The following AVEN variants were observed in gnomAD, a reference collection of about 807,000 sequenced individuals.
AVEN encodes the protein apoptosis and caspase activation inhibitor.
A neutral mutation model predicts 38.1 loss-of-function variants in AVEN; 41 were observed. The observed-to-expected ratio is 1.08, with a 90% CI of 0.84 to 1.40. The LOEUF (loss-of-function observed/expected upper bound fraction) is 1.40. AVEN is among the 40% of genes most tolerant of loss of function. The pLI, the probability that AVEN is intolerant of heterozygous loss-of-function variation, is 0.00. For missense variants in AVEN, 605 were observed against 438.8 expected, an observed-to-expected ratio of 1.38 and a Z score of -3.38; for synonymous variants, 206 against 171.8, an observed-to-expected ratio of 1.20 and a Z score of -1.56.
chr15:33,952,405 T>C (rs1894785521), intron 2 of AVEN, among the ~76,000 whole-genome samples: 1 of 152,212 alleles, frequency 6.6e-6, no homozygotes, highest in Non-Finnish European at 1.5e-5. Flanking sequence ...TTATCCATAA[T>C]TGGGACACCT....
At chr15:33,895,266 T>G (rs1396763401) in intron 2 of AVEN, among the ~76,000 whole-genome samples, 1 of 110,004 alleles carries the variant, frequency 9.1e-6, no homozygotes, top group Non-Finnish European at 2.1e-5. Context: ...ATGGTTTATA[T>G]TTTCTACTTC....
rs11284986 is a variant in AVEN, at chr15:33,937,130, C to CAA, written c.446-61137_446-61136dup. Among the ~76,000 whole-genome samples, 252 of 106,266 alleles carry CAA rather than the reference C, an allele frequency of 2.4e-3. 1 individual carries two copies. Among genetic ancestry groups the CAA allele is most frequent in the African/African-American group, 9.3e-3 (246 of 26,586 alleles). 69.7% of individuals were successfully genotyped at this position (106,266 alleles called of 152,430 possible). On this transcript the variant is annotated intron_variant, in intron 2 of 5. Transcript: ENST00000306730. ...TGGGCGACAGAGCGAGACTTCAACT[C>CAA]AAAAAAAAAAAAAAAAAAAGACCAA...
intron 1 of AVEN, among the ~76,000 whole-genome samples, chr15:34,011,797 G>A (rs997807711): frequency 6.6e-6 from 1 of 152,318 alleles, no homozygotes. Context: ...GGCACAGGAA[G>A]GTAATTTGCA....
At chr15:34,018,958 CAG>C (rs1898085183) in intron 1 of AVEN, among the ~76,000 whole-genome samples, 1 of 152,032 alleles carries the variant, frequency 6.6e-6, no homozygotes, top group Non-Finnish European at 1.5e-5. Flanking sequence ...CAGCTAGACA[CAG>C]AGTGCTGATT....
intron 5 of AVEN, among the ~76,000 whole-genome samples, chr15:34,061,032 A>AT (rs555025780): frequency 1.9e-4 from 28 of 148,230 alleles, no homozygotes; most frequent in Middle Eastern, 7.0e-3. Flanking sequence ...AAAAAAAAAG[A>AT]TTTTTTTTTT....
chr15:33,884,162 C>A (rs1408555153), intron 2 of AVEN, among the ~76,000 whole-genome samples: 2 of 152,156 alleles, frequency 1.3e-5, no homozygotes, highest in Admixed American at 6.6e-5. Flanking sequence ...AGAGCATTTA[C>A]AATAATAAAT....
intron 2 of AVEN, among the ~76,000 whole-genome samples, chr15:33,878,139 G>C (rs942079449): frequency 2.0e-5 from 3 of 152,098 alleles, no homozygotes; most frequent in Non-Finnish European, 4.4e-5. Context: ...ACCTAATGAA[G>C]TCTATAAATT....
At chr15:33,915,512 C>T (rs1307374946) in intron 2 of AVEN, among the ~76,000 whole-genome samples, 1 of 152,122 alleles carries the variant, frequency 6.6e-6, no homozygotes, top group African/African-American at 2.4e-5. Flanking sequence ...CGGGAAGAGC[C>T]CTGTGGGCTC....
intron 2 of AVEN, among the ~76,000 whole-genome samples, chr15:33,963,021 C>T (rs1895257109): frequency 6.7e-6 from 1 of 149,276 alleles, no homozygotes; most frequent in African/African-American, 2.5e-5. Flanking sequence ...GCCTTCCTAA[C>T]ATGGGATAAC....
At chr15:33,978,285 A>C (rs1895976881) in intron 2 of AVEN, among the ~76,000 whole-genome samples, 1 of 152,168 alleles carries the variant, frequency 6.6e-6, no homozygotes, top group African/African-American at 2.4e-5. Flanking sequence ...CAGCAAACCC[A>C]CTGTAGACAC....
intron 5 of AVEN, among the ~76,000 whole-genome samples, chr15:34,051,282 A>G (rs115585531): frequency 0.02 from 2,481 of 123,522 alleles, 85 homozygotes; most frequent in African/African-American, 0.07. Flanking sequence ...GAAATCAAGA[A>G]GTTCTTTGAA....
chr15:33,995,444 T>G (rs1042727742), intron 2 of AVEN, among the ~76,000 whole-genome samples: 1 of 152,218 alleles, frequency 6.6e-6, no homozygotes, highest in Non-Finnish European at 1.5e-5. Context: ...ATAGGTTATA[T>G]GCAAATATTT....
intron 2 of AVEN, among the ~76,000 whole-genome samples, chr15:33,926,853 C>T (rs2153049424): frequency 6.6e-6 from 1 of 152,238 alleles, no homozygotes; most frequent in South Asian, 2.1e-4. Context: ...GAGGGTTTTG[C>T]CATGTTGGCA....
intron 2 of AVEN, among the ~76,000 whole-genome samples, chr15:33,943,436 G>T (rs1567426410): frequency 6.6e-6 from 1 of 151,958 alleles, no homozygotes; most frequent in Non-Finnish European, 1.5e-5. Flanking sequence ...TACAATGAAG[G>T]CTGTCAGGGG....
intron 2 of AVEN, among the ~76,000 whole-genome samples, chr15:33,919,434 AT>A (rs1893299572): frequency 6.6e-6 from 1 of 152,234 alleles, no homozygotes; most frequent in Non-Finnish European, 1.5e-5. Context: ...TTTGGTGTAT[AT>A]CAGAATCATC....
downstream of AVEN, chr15:33,864,939 G>GTGTC (rs1889959089): frequency 9.6e-6 from 5 of 522,184 alleles, no homozygotes; most frequent in Non-Finnish European, 1.4e-5. Flanking sequence ...CTGCCAGCAT[G>GTGTC]TGTCAGAGAG....
At chr15:33,894,702 C>G (rs1294336744) in intron 2 of AVEN, among the ~76,000 whole-genome samples, 1 of 3,090 alleles carries the variant, frequency 3.2e-4, no homozygotes, top group Non-Finnish European at 1.0e-3. Context: ...CCCAGCTACT[C>G]AGCAGGCTGA....
At chr15:33,853,070 A>C in the AVEN span, 1 of 1,601,958 alleles carries the variant, frequency 6.2e-7, no homozygotes, top group Non-Finnish European at 8.5e-7. Flanking sequence ...CTACTGGGAC[A>C]AGTTTGTAAA....
chr15:33,983,352 T>C (rs1244086360), intron 2 of AVEN, among the ~76,000 whole-genome samples: 1 of 151,914 alleles, frequency 6.6e-6, no homozygotes, highest in African/African-American at 2.4e-5. Flanking sequence ...TTTCACCTTG[T>C]TTTACAAACG....
Sources: gnomAD v4.1 joint callset for allele counts (sites outside exome capture counted in the v4.1 genomes callset) on GRCh38, gnomAD v4.1.1 for gene constraint, MANE v1.5 for transcripts, NCBI Gene and HGNC (gene_info 2026-07-23, HGNC 2026-07-21) for gene names.